Variants in ZPBP observed in about 807,000 individuals in gnomAD.
The protein encoded by ZPBP is zona pellucida-binding protein 1.
In ZPBP, 26 loss-of-function variants were observed where a neutral mutation model predicts 44.8. The observed-to-expected ratio is 0.58, with a 90% CI of 0.43 to 0.81. The LOEUF is 0.81. ZPBP is among the 30% of genes least tolerant of loss of function. ZPBP has a pLI of 0.00. For synonymous variants in ZPBP, 174 were observed against 153.2 expected, an observed-to-expected ratio of 1.14 and a Z score of -1.00; for missense variants, 409 against 434.0, an observed-to-expected ratio of 0.94 and a Z score of 0.51.
intron 1 of ZPBP, among the ~76,000 whole-genome samples, chr7:49,905,773 A>G (rs1793053338): frequency 6.7e-6 from 1 of 149,824 alleles, no homozygotes; most frequent in South Asian, 2.1e-4. Context: ...TTGGCGCAAG[A>G]AAGAGGTCGG....
At chr7:49,928,659 G>A (rs576733756) in intron 1 of ZPBP, among the ~76,000 whole-genome samples, 1 of 152,244 alleles carries the variant, frequency 6.6e-6, no homozygotes, top group African/African-American at 2.4e-5. Flanking sequence ...GAAGGTCTGA[G>A]ACACTTGTTT....
chr7:49,938,211 CTG>C (rs1230559753), intron 7 of ZPBP, among the ~76,000 whole-genome samples: 1 of 152,236 alleles, frequency 6.6e-6, no homozygotes, highest in African/African-American at 2.4e-5. Flanking sequence ...ATGGCCATAA[CTG>C]TGTATTTTAG....
At chr7:49,877,507 TATATATATATAG>T (rs1791486060) in intron 2 of ZPBP, among the ~76,000 whole-genome samples, 3 of 90,318 alleles carry the variant, frequency 3.3e-5, no homozygotes, top group Admixed American at 2.3e-4. Context: ...TATATATATA[TATATATATATAG>T]TTATTTGGTC....
chr7:49,868,762 C>T (rs974298148), intron 2 of ZPBP, among the ~76,000 whole-genome samples: 6 of 152,080 alleles, frequency 3.9e-5, no homozygotes, highest in Admixed American at 2.6e-4. Context: ...GGATTACAGG[C>T]GTGTGCCACC....
intron 6 of ZPBP, among the ~76,000 whole-genome samples, chr7:49,997,054 T>C (rs190269383): frequency 2.0e-5 from 3 of 152,350 alleles, no homozygotes; most frequent in Admixed American, 2.0e-4. Context: ...TCTTCAAGGA[T>C]GCTGGGCTCT....
downstream of ZPBP, among the ~76,000 whole-genome samples, chr7:49,850,192 G>A (rs1790120258): frequency 6.6e-6 from 1 of 152,154 alleles, no homozygotes; most frequent in Non-Finnish European, 1.5e-5. Flanking sequence ...ACAACACAGT[G>A]GTCAGATAGG....
At chr7:50,000,095 G>C (rs528224980) in intron 6 of ZPBP, among the ~76,000 whole-genome samples, 2 of 151,788 alleles carry the variant, frequency 1.3e-5, no homozygotes, top group African/African-American at 4.8e-5. Flanking sequence ...ACTGTGATAA[G>C]GTATGTATAG....
At chr7:49,843,215 G>T in the ZPBP span, among the ~76,000 whole-genome samples, 5 of 152,076 alleles carry the variant, frequency 3.3e-5, no homozygotes, top group Non-Finnish European at 7.4e-5. Context: ...TGGAAAATAT[G>T]GGAATTCCAA....
rs1333952714 is a variant in ZPBP at position 50,018,276 on chromosome 7, T to C, written c.747A>G (p.Thr249=). 1 of 1,610,862 alleles carries C rather than the reference T, an allele frequency of 6.2e-7. No individual in the cohort carries two copies. The highest frequency in any genetic ancestry group is 8.5e-7 in the Non-Finnish European group (1 of 1,178,862). Residue 249 remains threonine (T), a synonymous_variant, in exon 6 of 8, where the codon ACA becomes ACG. Transcript: ENST00000046087. ...TTTTGTAAGGTTCACAGTTATGGTC[T>C]GTACATCGCTTGGGTCCTTTTTCAG... ...LDTEKGPKRC[T]DHNCEPYKRL...
At chr7:49,895,334 C>T (rs1287551140) in intron 2 of ZPBP, among the ~76,000 whole-genome samples, 2 of 152,204 alleles carry the variant, frequency 1.3e-5, no homozygotes, top group Non-Finnish European at 2.9e-5. Context: ...AATACTATCA[C>T]ATTGTTGATT....
chr7:49,969,500 T>C (rs1251061639), intron 7 of ZPBP, among the ~76,000 whole-genome samples: 1 of 98,296 alleles, frequency 1.0e-5, no homozygotes, highest in African/African-American at 3.8e-5. Context: ...ATAACTTCAA[T>C]AGTATGGTCA....
At chr7:50,064,365 A>G (rs1424296666) in intron 3 of ZPBP, among the ~76,000 whole-genome samples, 2 of 152,214 alleles carry the variant, frequency 1.3e-5, no homozygotes, top group African/African-American at 4.8e-5. Context: ...ATGAAGTTTC[A>G]GGCACCATTG....
intron 2 of ZPBP, among the ~76,000 whole-genome samples, chr7:49,851,023 C>T (rs898360243): frequency 2.0e-5 from 3 of 152,160 alleles, no homozygotes. Context: ...ATTCTGCAGG[C>T]CAGAAGTCTA....
intron 6 of ZPBP, among the ~76,000 whole-genome samples, chr7:50,013,233 G>T (rs1798667869): frequency 6.6e-6 from 1 of 151,760 alleles, no homozygotes; most frequent in African/African-American, 2.4e-5. Flanking sequence ...CAGTATAGTT[G>T]TTATAATGTC....
chr7:50,092,605 A>G (rs1054503303), intron 1 of ZPBP, among the ~76,000 whole-genome samples: 1 of 152,224 alleles, frequency 6.6e-6, no homozygotes, highest in African/African-American at 2.4e-5. Flanking sequence ...AAGTACTTCA[A>G]TTCTTTAGAG....
At chr7:50,002,149 AG>A (rs545455236) in intron 6 of ZPBP, among the ~76,000 whole-genome samples, 4 of 152,082 alleles carry the variant, frequency 2.6e-5, no homozygotes, top group Non-Finnish European at 4.4e-5. Context: ...CCACATGGCT[AG>A]GGGGGCCTCA....
chr7:49,984,679 A>G (rs143715223), intron 6 of ZPBP, among the ~76,000 whole-genome samples: 66 of 151,862 alleles, frequency 4.3e-4, no homozygotes, highest in African/African-American at 1.4e-3. Flanking sequence ...GCTTGCTGCT[A>G]CTCTCCTTCT....
At chr7:49,905,809 T>TG in intron 1 of ZPBP, among the ~76,000 whole-genome samples, 1 of 152,282 alleles carries the variant, frequency 6.6e-6, no homozygotes, top group East Asian at 1.9e-4. Flanking sequence ...ATAAAGCCCT[T>TG]GCTGATAAAA....
At chr7:50,005,512 G>GTA (rs1345309869) in intron 6 of ZPBP, among the ~76,000 whole-genome samples, 1 of 151,966 alleles carries the variant, frequency 6.6e-6, no homozygotes, top group African/African-American at 2.4e-5. Flanking sequence ...CTATAAAGGA[G>GTA]TATAGATTTT....
Sources: gnomAD v4.1 joint callset for allele counts (sites outside exome capture counted in the v4.1 genomes callset) on GRCh38, gnomAD v4.1.1 for gene constraint, MANE v1.5 for transcripts, NCBI Gene and HGNC (gene_info 2026-07-23, HGNC 2026-07-21) for gene names.